Variants in KCNJ5 observed in about 807,000 individuals in gnomAD.
The protein encoded by KCNJ5 is G protein-activated inward rectifier potassium channel 4.
A neutral mutation model predicts 20.2 loss-of-function variants in KCNJ5; 12 were observed. The observed-to-expected ratio is 0.59, with a 90% CI of 0.38 to 0.96. The LOEUF (loss-of-function observed/expected upper bound fraction) is 0.96, where lower values mean the gene tolerates loss of function less well. KCNJ5 is among the 40% of genes least tolerant of loss of function. The pLI, the probability that KCNJ5 is intolerant of heterozygous loss-of-function variation, is 0.00. For synonymous variants in KCNJ5, 210 were observed against 213.9 expected (o/e 0.98, Z 0.16); for missense variants, 449 against 557.6 (o/e 0.81, Z 1.96).
At chr11:128,897,462 A>G (rs934863785) in intron 1 of KCNJ5, among the ~76,000 whole-genome samples, 3 of 151,986 alleles carry the variant, frequency 2.0e-5, no homozygotes, top group Admixed American at 6.6e-5. Flanking sequence ...ATGTCTTCTC[A>G]TGTCTTTTGC....
rs1407691767 is a variant in KCNJ5 at position 128,919,331 on chromosome 11, G to C, written c.*2600G>C. ...CAGGGCCCTCCGTGAGCCAGGACCA[G>C]GTCACATCTCTCAGCCAAGTCTAGA... On this transcript the variant is annotated 3_prime_UTR_variant, in exon 3 of 3. Coordinates refer to ENST00000529694, the MANE Select transcript of KCNJ5 (RefSeq NM_000890.5). 2.0e-5 allele frequency: 3 copies of C among 152,346 alleles called. No homozygotes were observed. The highest frequency in any genetic ancestry group is 4.4e-5 in the Non-Finnish European group (3 of 68,150). The allele number at this position is 152,346 out of a possible 1,614,324, so 9.4% of individuals were successfully genotyped here. A position where few individuals can be genotyped will look rare whatever the true frequency, so the allele number is the denominator to read the frequency against.
intron 1 of KCNJ5, chr11:128,902,477 T>C: frequency 6.5e-7 from 1 of 1,538,360 alleles, no homozygotes; most frequent in South Asian, 1.2e-5. Flanking sequence ...CCCCGCACTT[T>C]AAGGAACAGG....
chr11:128,900,810 G>A (rs575825025), intron 1 of KCNJ5: 20 of 152,346 alleles, frequency 1.3e-4, no homozygotes, highest in African/African-American at 4.1e-4. Flanking sequence ...GCCAACACAG[G>A]AGTTGAAAGA....
intron 1 of KCNJ5, chr11:128,902,798 G>A (rs1303245080): frequency 1.7e-5 from 24 of 1,437,980 alleles, no homozygotes; most frequent in Middle Eastern, 4.3e-4. Context: ...AACTCACAAC[G>A]CAGCCCAACA....
In KCNJ5 at chr11:128,912,117, C is replaced by G. The variant is rs7102584; in HGVS notation, c.844C>G (p.Gln282Glu). The G allele has an allele frequency of 0.98, 1,588,687 of 1,613,492 alleles. 782,184 individuals are homozygous for G. Among genetic ancestry groups the G allele is most frequent in the East Asian group, 1 (44,864 of 44,868 alleles). Reference protein sequence around the residue: ...SPLIISHEINQKSPFWEMSQA... With the variant: ...SPLIISHEINEKSPFWEMSQA... ...TCTGATCATCTCCCATGAGATCAACCAGAAGAGCCCTTTCTGGGAGATGTC... is the reference window on the plus strand; with the variant it reads ...TCTGATCATCTCCCATGAGATCAACGAGAAGAGCCCTTTCTGGGAGATGTC... The change falls in exon 2 of 3, where the codon CAG becomes GAG. Residue 282 changes from glutamine (Q) to glutamate (E), a missense_variant. By Grantham distance (29) the Gln-to-Glu change is conservative. Transcript: ENST00000529694.
rs1418258797 is a variant in KCNJ5, at chr11:128,916,427, G to A, written c.956G>A (p.Arg319Gln). The A allele has an allele frequency of 1.9e-6, 3 of 1,614,136 alleles. No individual in the cohort carries two copies. The highest frequency in any genetic ancestry group is 2.2e-5 in the East Asian group (1 of 44,880). ...TCCCCAGGCATGACCTGCCAAGCCCGGAGCTCCTACATGGATACAGAGGTG... is the reference window on the plus strand; with the variant it reads ...TCCCCAGGCATGACCTGCCAAGCCCAGAGCTCCTACATGGATACAGAGGTG... ...VEATGMTCQA[R>Q]SSYMDTEVLW... The change falls in exon 3 of 3, where the codon CGG (arginine) becomes CAG (glutamine). Residue 319 changes from arginine (R) to glutamine (Q), a missense_variant. By Grantham distance (43) the Arg-to-Gln change is conservative. This residue lies in a region of KCNJ5 where 145 missense variants were observed against 166.2 expected (regional missense o/e 0.87). Transcript: ENST00000529694.
At position 128,912,083 on chromosome 11, in the gene KCNJ5, T is replaced by G. The variant is rs7118824; in HGVS notation, c.810T>G (p.Leu270=). 1,330,295 of 1,613,502 alleles carry G rather than the reference T, an allele frequency of 0.82. 549,350 individuals are homozygous for G. Among genetic ancestry groups the G allele is most frequent in the African/African-American group, 0.9 (67,121 of 74,986 alleles). ...ACACGGGCGACGACCGCCTCTTCCT[T>G]GTGTCTCCTCTGATCATCTCCCATG... ...GFDTGDDRLF[L]VSPLIISHEI... Residue 270 remains leucine (L), a synonymous_variant, in exon 2 of 3, where the codon CTT becomes CTG. Transcript: ENST00000529694.
At chr11:128,895,393 A>T (rs1383302445) in intron 1 of KCNJ5, among the ~76,000 whole-genome samples, 1 of 81,200 alleles carries the variant, frequency 1.2e-5, no homozygotes. Context: ...CCCCCCCCCC[A>T]ACCCCAGGGA....
At chr11:128,912,481 G>C (rs1753259277) in intron 2 of KCNJ5, among the ~76,000 whole-genome samples, 1 of 149,942 alleles carries the variant, frequency 6.7e-6, no homozygotes, top group Middle Eastern at 3.4e-3. Context: ...CGCCCTATGA[G>C]ATATAGTGGG....
chr11:128,916,632 G>A lies in KCNJ5; in HGVS notation c.1161G>A (p.Gly387=). The A allele has an allele frequency of 1.2e-6, 2 of 1,613,818 alleles. No individual in the cohort carries two copies. The highest frequency in any genetic ancestry group is 1.7e-4 in the Middle Eastern group (1 of 6,060). The change falls in exon 3 of 3, where the codon GGG becomes GGA. Residue 387 remains glycine (G), a synonymous_variant. Transcript: ENST00000529694. ...LQYLPSPPLL[G]GCAEAGLDAE... is the part of the protein sequence containing the mutation. ...ACCTCCCCAGCCCCCCACTGCTGGG[G>A]GGCTGTGCTGAGGCAGGGCTGGATG...
chr11:128,914,081 G>C (rs1281763967), intron 2 of KCNJ5, among the ~76,000 whole-genome samples: 1 of 152,224 alleles, frequency 6.6e-6, no homozygotes, highest in Non-Finnish European at 1.5e-5. Flanking sequence ...GGACAGTCAG[G>C]ACTCAGGAAG....
At position 128,918,202 on chromosome 11, in the gene KCNJ5, T is replaced by TACA. The variant is rs1944617127; in HGVS notation, c.*1474_*1476dup. 1 of 152,126 alleles carries TACA rather than the reference T, an allele frequency of 6.6e-6. No homozygotes were observed. Among genetic ancestry groups the TACA allele is most frequent in the Non-Finnish European group, 1.5e-5 (1 of 68,048 alleles). The allele number at this position is 152,126 out of a possible 1,614,324, so 9.4% of individuals were successfully genotyped here. A position where few individuals can be genotyped will look rare whatever the true frequency, so the allele number is the denominator to read the frequency against. ...CTGGGCCTCCCTCCACAGGCAGAGT[T>TACA]ACAACCGGGAGGGCTGGGCAGGGAG... On this transcript the variant is annotated 3_prime_UTR_variant, in exon 3 of 3. Transcript: ENST00000529694.
At position 128,912,161 on chromosome 11, in the gene KCNJ5, G is replaced by A; in HGVS notation, c.888G>A (p.Gln296=). ...FWEMSQAQLH[Q]EEFEVVVILE... is the part of the protein sequence containing the mutation. ...AGATGTCTCAGGCTCAGCTGCATCA[G>A]GAAGAGTTTGAAGTTGTGGTCATTC... is the stretch of plus-strand genomic sequence containing the variant. Residue 296 remains glutamine (Q), a synonymous_variant, in exon 2 of 3, where the codon CAG becomes CAA. Coordinates refer to ENST00000529694, the MANE Select transcript of KCNJ5 (RefSeq NM_000890.5). 6.2e-7 allele frequency: 1 copy of A among 1,609,578 alleles called. No homozygotes were observed. The highest frequency in any genetic ancestry group is 8.5e-7 in the Non-Finnish European group (1 of 1,180,010).
intron 1 of KCNJ5, chr11:128,903,359 G>C: frequency 6.2e-7 from 1 of 1,614,022 alleles, no homozygotes; most frequent in Non-Finnish European, 8.5e-7. Context: ...TCCGGCAGCT[G>C]CACTCACCTC....
chr11:128,895,741 C>G (rs1944166752), intron 1 of KCNJ5, among the ~76,000 whole-genome samples: 1 of 152,260 alleles, frequency 6.6e-6, no homozygotes, highest in Non-Finnish European at 1.5e-5. Flanking sequence ...GGCAGAGCTG[C>G]TGGAGAGACT....
intron 2 of KCNJ5, among the ~76,000 whole-genome samples, chr11:128,914,074 C>G (rs1446015134): frequency 6.6e-6 from 1 of 152,228 alleles, no homozygotes; most frequent in African/African-American, 2.4e-5. Context: ...GGGCCGAGGA[C>G]AGTCAGGACT....
chr11:128,892,052 C>T (rs1944101033), intron 1 of KCNJ5, among the ~76,000 whole-genome samples: 1 of 152,212 alleles, frequency 6.6e-6, no homozygotes, highest in Admixed American at 6.5e-5. Context: ...GTGTGGAGGA[C>T]ATTTTTCACC....
At position 128,916,719 on chromosome 11, in the gene KCNJ5, G is replaced by C. The variant is rs930047035; in HGVS notation, c.1248G>C (p.Arg416Ser). 1.2e-6 allele frequency: 2 copies of C among 1,604,062 alleles called. No individual in the cohort carries two copies. Among genetic ancestry groups the C allele is most frequent in the Non-Finnish European group, 1.7e-6 (2 of 1,175,882 alleles). ...PKGLGGSREARGSV is the reference protein window; with the variant it reads ...PKGLGGSREASGSV Reference sequence around the variant, plus strand: ...GGCTGGGTGGGTCCAGGGAGGCCAGGGGCTCGGTGTGAGGGGTGCAGCCTC... The same window carrying C: ...GGCTGGGTGGGTCCAGGGAGGCCAGCGGCTCGGTGTGAGGGGTGCAGCCTC... The change falls in exon 3 of 3, where the codon AGG (arginine) becomes AGC (serine). Residue 416 changes from arginine (R) to serine (S), a missense_variant. Physicochemically the swap from Arg to Ser is moderately radical, Grantham distance 110. Around this residue, in one of 5 missense-constraint regions of KCNJ5, gnomAD observed 64 missense variants for 51.3 expected, o/e 1.25. Transcript: ENST00000529694.
At chr11:128,912,812 A>G (rs1353371374) in intron 2 of KCNJ5, among the ~76,000 whole-genome samples, 1 of 152,184 alleles carries the variant, frequency 6.6e-6, no homozygotes, top group Non-Finnish European at 1.5e-5. Flanking sequence ...CCCAGCCAAG[A>G]TAGTTTTTAT....
Sources: allele counts gnomAD v4.1 joint callset (sites outside exome capture counted in the v4.1 genomes callset), GRCh38; gene constraint gnomAD v4.1.1; regional missense constraint gnomAD v4.1.1; transcripts MANE v1.5; gene names NCBI Gene and HGNC (gene_info 2026-07-23, HGNC 2026-07-21).